TM9SF3: variants seen among roughly 807,000 people sequenced by gnomAD.
TM9SF3 encodes transmembrane 9 superfamily member 3, also known as SM-11044-binding protein.
Under a neutral mutation model 78.6 loss-of-function variants are expected in TM9SF3, and 14 were observed. The observed-to-expected ratio is 0.18, with a 90% confidence interval of 0.12 to 0.28. The LOEUF is 0.28. Ranked by LOEUF, TM9SF3 falls within the 10% of genes least tolerant of loss-of-function variation. The pLI is 1.00. For synonymous variants in TM9SF3, 231 were observed against 241.7 expected (o/e 0.96, Z 0.41); for missense variants, 496 against 721.9 (o/e 0.69, Z 3.59).
intron 11 of TM9SF3, 132 bp from the exon 12 acceptor site, chr10:96,528,309 C>G: frequency 1.3e-6 from 1 of 769,718 alleles, no homozygotes; most frequent in South Asian, 2.4e-5. Context: ...CTTCCAACAG[C>G]TTCTCTTACC....
At chr10:96,586,034 T>C (rs1315790189) in intron 1 of TM9SF3, among the ~76,000 whole-genome samples, 2 of 152,216 alleles carry the variant, frequency 1.3e-5, no homozygotes, top group African/African-American at 4.8e-5. Context: ...GACCCTTTAC[T>C]GTCAGAAGCT....
At chr10:96,549,273 T>C (rs574796031) in intron 7 of TM9SF3, among the ~76,000 whole-genome samples, 1 of 152,354 alleles carries the variant, frequency 6.6e-6, no homozygotes. Flanking sequence ...CTTTATCCTT[T>C]AGAATCATTC....
At chr10:96,548,957 T>C (rs1431259884) in intron 7 of TM9SF3, among the ~76,000 whole-genome samples, 3 of 152,096 alleles carry the variant, frequency 2.0e-5, no homozygotes, top group African/African-American at 7.2e-5. Context: ...CATTGAAAAA[T>C]CTGCTGAGGG....
intron 10 of TM9SF3, 80 bp from the exon 11 acceptor site, chr10:96,530,688 T>C: frequency 7.8e-7 from 1 of 1,287,750 alleles, no homozygotes; most frequent in Non-Finnish European, 1.1e-6. Context: ...AAGCAGGTAC[T>C]TGACACTTAA....
At chr10:96,576,345 C>T (rs1000571552) in intron 2 of TM9SF3, 3 of 195,830 alleles carry the variant, frequency 1.5e-5, no homozygotes, top group Non-Finnish European at 3.1e-5. Context: ...ATATACTTTC[C>T]TAAATGCAAT....
chr10:96,532,228 A>AAAAT (rs968008919), intron 10 of TM9SF3, among the ~76,000 whole-genome samples: 2 of 151,424 alleles, frequency 1.3e-5, no homozygotes, highest in African/African-American at 4.8e-5. Flanking sequence ...TAATAATAAT[A>AAAAT]AAATAAATAA....
intron 2 of TM9SF3, among the ~76,000 whole-genome samples, chr10:96,567,923 G>A (rs1461078904): frequency 6.6e-6 from 1 of 152,176 alleles, no homozygotes; most frequent in African/African-American, 2.4e-5. Flanking sequence ...GTGTATGTTT[G>A]TACAGAAGGA....
chr10:96,584,878 A>G (rs1848611825), intron 1 of TM9SF3, among the ~76,000 whole-genome samples: 1 of 152,216 alleles, frequency 6.6e-6, no homozygotes, highest in Non-Finnish European at 1.5e-5. Context: ...CAATATAGAC[A>G]TGAAGTAATA....
At chr10:96,540,384 C>T (rs1225789780) in intron 9 of TM9SF3, among the ~76,000 whole-genome samples, 3 of 152,204 alleles carry the variant, frequency 2.0e-5, no homozygotes, top group Admixed American at 2.0e-4. Flanking sequence ...TCTGCTCTCA[C>T]ACAGTTATTC....
intron 14 of TM9SF3, among the ~76,000 whole-genome samples, chr10:96,526,265 G>A (rs564990171): frequency 3.3e-5 from 5 of 152,076 alleles, no homozygotes; most frequent in South Asian, 2.1e-4. Flanking sequence ...AATGGCTATC[G>A]TTACTACCTA....
At position 96,530,625 on chromosome 10, in the gene TM9SF3, T is replaced by C. The variant is rs1294140062; in HGVS notation, c.1326-17A>G. 6.3e-7 allele frequency: 1 copy of C among 1,597,978 alleles called. No homozygotes were observed. Among genetic ancestry groups the C allele is most frequent in the African/African-American group, 1.4e-5 (1 of 73,936 alleles). ...TCCATGAACCTGGAAAATATTAAAA[T>C]TAATAGTAAACTTCTAGTATGATTT... On this transcript the variant is annotated splice_polypyrimidine_tract_variant and intron_variant, in intron 10 of 14. Transcript: ENST00000371142.
chr10:96,567,422 G>A (rs1272784157), intron 2 of TM9SF3, among the ~76,000 whole-genome samples: 1 of 152,084 alleles, frequency 6.6e-6, no homozygotes, highest in Non-Finnish European at 1.5e-5. Context: ...CTCAGAGTCT[G>A]GATTTTAGTC....
chr10:96,527,868 T>C (rs1465926882), intron 12 of TM9SF3, among the ~76,000 whole-genome samples, 163 bp downstream of exon 12: 1 of 152,160 alleles, frequency 6.6e-6, no homozygotes, highest in Admixed American at 6.6e-5. Flanking sequence ...TGATATTTTT[T>C]CTCTAAAATA....
intron 2 of TM9SF3, among the ~76,000 whole-genome samples, chr10:96,566,999 T>C (rs931185443): frequency 8.5e-5 from 13 of 152,072 alleles, no homozygotes; most frequent in African/African-American, 2.9e-4. Flanking sequence ...AAACAAATAT[T>C]CATTGATAAT....
At chr10:96,569,756 G>A (rs1342437092) in intron 2 of TM9SF3, among the ~76,000 whole-genome samples, 1 of 152,278 alleles carries the variant, frequency 6.6e-6, no homozygotes, top group East Asian at 1.9e-4. Flanking sequence ...GAGAAAGGCC[G>A]GGCGCAATGG....
intron 6 of TM9SF3, 52 bp downstream of exon 6, chr10:96,552,876 C>A: frequency 7.0e-7 from 1 of 1,423,426 alleles, no homozygotes; most frequent in Non-Finnish European, 9.2e-7. Flanking sequence ...ACATTTAAAA[C>A]TTAACACTCA....
chr10:96,531,035 T>C (rs1380294990), intron 10 of TM9SF3, among the ~76,000 whole-genome samples: 1 of 152,230 alleles, frequency 6.6e-6, no homozygotes, highest in Admixed American at 6.5e-5. Flanking sequence ...ATCTCTTTGC[T>C]CACTCTCTCC....
intron 14 of TM9SF3, 69 bp downstream of exon 14, chr10:96,527,144 A>G (rs1190530721): frequency 2.2e-6 from 3 of 1,340,962 alleles, no homozygotes; most frequent in South Asian, 1.3e-5. Flanking sequence ...TTAATTTCCA[A>G]TTACTGTATT....
At chr10:96,559,781 T>G in intron 4 of TM9SF3, 45 bp from the exon 5 acceptor site, 1 of 1,169,094 alleles carries the variant, frequency 8.6e-7, no homozygotes, top group Non-Finnish European at 1.2e-6. Context: ...AGTAAACAAA[T>G]TAATAATCTG....
Sources: allele counts gnomAD v4.1 joint callset (sites outside exome capture counted in the v4.1 genomes callset), GRCh38; gene constraint gnomAD v4.1.1; transcripts MANE v1.5; gene names NCBI Gene and HGNC (gene_info 2026-07-23, HGNC 2026-07-21).